The following CSF2RB variants were observed in gnomAD, a reference collection of about 807,000 sequenced individuals.
CSF2RB encodes colony stimulating factor 2 receptor subunit beta.
Under a neutral mutation model 67.2 loss-of-function variants are expected in CSF2RB, and 22 were observed. The observed-to-expected ratio is 0.33, with a 90% CI of 0.23 to 0.47. The LOEUF is 0.47. CSF2RB is among the 20% of genes least tolerant of loss of function. The probability of loss-of-function intolerance (pLI) is 1.00; values close to 1 mark genes in which losing one functional copy is unlikely to be tolerated. For synonymous variants in CSF2RB, 507 were observed against 482.9 expected (o/e 1.05, Z -0.65); for missense variants, 1,113 against 1,174.5 (o/e 0.95, Z 0.76).
In CSF2RB at chr22:36,938,801, T is replaced by C; in HGVS notation, c.*299T>C. The C allele has an allele frequency of 1.8e-6, 1 of 545,882 alleles. No individual in the cohort carries two copies. Among genetic ancestry groups the C allele is most frequent in the Non-Finnish European group, 3.2e-6 (1 of 309,946 alleles). 33.8% of individuals were successfully genotyped at this position (545,882 alleles called of 1,614,324 possible). A position where few individuals can be genotyped will look rare whatever the true frequency, so the allele number is the denominator to read the frequency against. On this transcript the variant is annotated 3_prime_UTR_variant, in exon 14 of 14. Transcript: ENST00000403662. ...ATATACTCATTCCATCTCCCCCTCA[T>C]TTTTTTAATCAGGTTTCCTTGCTTT...
In CSF2RB at chr22:36,929,389, T is replaced by C; in HGVS notation, c.392-13T>C. On this transcript the variant is annotated splice_polypyrimidine_tract_variant and intron_variant, in intron 4 of 13. Coordinates refer to ENST00000403662, the MANE Select transcript of CSF2RB (RefSeq NM_000395.3). Reference sequence around the variant, plus strand: ...GTCCAGCCCTTAGGTGCCCTTCACTTCCTCCCCTCCAGTCCAGCCTCCTGA... The same window carrying C: ...GTCCAGCCCTTAGGTGCCCTTCACTCCCTCCCCTCCAGTCCAGCCTCCTGA... 6.2e-7 allele frequency: 1 copy of C among 1,614,042 alleles called. No individual in the cohort carries two copies. The highest frequency in any genetic ancestry group is 8.5e-7 in the Non-Finnish European group (1 of 1,179,988).
chr22:36,916,889 C>G (rs1382231268), intron 1 of CSF2RB, among the ~76,000 whole-genome samples: 1 of 152,098 alleles, frequency 6.6e-6, no homozygotes, highest in Non-Finnish European at 1.5e-5. Context: ...GTTTGCCAAG[C>G]CCATTAAATT....
At position 36,930,628 on chromosome 22, in the gene CSF2RB, G is replaced by C. The variant is rs375358994; in HGVS notation, c.855-45G>C. The C allele has an allele frequency of 1.9e-6, 3 of 1,611,182 alleles. No individual in the cohort carries two copies. The South Asian group carries it at 3.3e-5, about 18-fold the overall frequency. ...CCCACCCTAAGCTCTCCTCCCTCCC[G>C]TGTGCCCTCCCTCTCCCTGCCCTCA... On this transcript the variant is annotated intron_variant, in intron 7 of 13. Transcript: ENST00000403662.
rs1381319743 is a variant in CSF2RB at position 36,934,049 on chromosome 22, A to G, written c.1315+55A>G. On this transcript the variant is annotated intron_variant, in intron 10 of 13. Transcript: ENST00000403662. ...GGCCAGGACCAGCTCATAGTTTCTCACTGCCAGAAAATCCCCAATGCAGCA... is the reference window on the plus strand; with the variant it reads ...GGCCAGGACCAGCTCATAGTTTCTCGCTGCCAGAAAATCCCCAATGCAGCA... 3.8e-6 allele frequency: 6 copies of G among 1,595,234 alleles called. No homozygotes were observed. In the African/African-American group the frequency reaches 5.4e-5, roughly 14 times the overall value.
intron 1 of CSF2RB, among the ~76,000 whole-genome samples, chr22:36,917,934 AT>A (rs1832098675): frequency 6.6e-6 from 1 of 151,212 alleles, no homozygotes; most frequent in Admixed American, 6.6e-5. Context: ...AAAAAAAAAA[AT>A]AGTATTTTTT....
Position 36,938,165 on chromosome 22 carries a change from C to T in CSF2RB, c.2357C>T (p.Pro786Leu), listed in dbSNP as rs951899191. The change falls in exon 14 of 14, where the codon CCC becomes CTC. Residue 786 changes from proline (P) to leucine (L), a missense_variant. Pro to Leu is a moderately conservative substitution (Grantham distance 98). Transcript: ENST00000403662. ...SPRSPRNNPV[P>L]PEAKSPVLNP... The stretch of plus-strand genomic sequence containing the variant: ...AGGTCACCAAGGAACAATCCTGTCC[C>T]CCCTGAGGCCAAAAGCCCTGTCCTG... 6.2e-7 allele frequency: 1 copy of T among 1,614,022 alleles called. No homozygotes were observed. Among genetic ancestry groups the T allele is most frequent in the Non-Finnish European group, 8.5e-7 (1 of 1,180,018 alleles).
intron 4 of CSF2RB, 48 bp from the exon 5 acceptor site, chr22:36,929,354 C>G (rs201329664): frequency 6.2e-7 from 1 of 1,613,262 alleles, no homozygotes; most frequent in African/African-American, 1.3e-5. Flanking sequence ...GCCCTGACTG[C>G]CCCCCAGCGG....
chr22:36,937,411 T>C lies in CSF2RB; in HGVS notation c.1603T>C (p.Ser535Pro). The C allele has an allele frequency of 1.2e-6, 2 of 1,613,828 alleles. No homozygotes were observed. The highest frequency in any genetic ancestry group is 2.7e-5 in the African/African-American group (2 of 74,974). ...TGTAGGATTCGGGGACAGCGAGGTG[T>C]CACCTCTCACCATAGAGGACCCCAA... Reference protein sequence around the residue: ...FPVGFGDSEVSPLTIEDPKHV... With the variant: ...FPVGFGDSEVPPLTIEDPKHV... Residue 535 changes from serine to proline, a missense_variant, in exon 14 of 14, where the codon TCA becomes CCA. Transcript: ENST00000403662. This position sits in a 1 kb window ranked among gnomAD's most constrained non-coding sequence, Gnocchi z 4.6.
intron 10 of CSF2RB, among the ~76,000 whole-genome samples, chr22:36,934,686 C>T (rs1941230420): frequency 6.6e-6 from 1 of 152,180 alleles, no homozygotes; most frequent in Non-Finnish European, 1.5e-5. Flanking sequence ...CCACAGTGAC[C>T]ACCAGGCGAC....
chr22:36,919,904 C>T (rs16997501), intron 1 of CSF2RB, among the ~76,000 whole-genome samples: 7,853 of 152,196 alleles, frequency 0.052, 641 homozygotes, highest in African/African-American at 0.17. Context: ...GCTGGGTTAG[C>T]ATATGTCAGA....
rs1941326523 is a variant in CSF2RB at position 36,938,561 on chromosome 22, C to A, written c.*59C>A. The A allele has an allele frequency of 6.5e-7, 1 of 1,533,746 alleles. No individual in the cohort carries two copies. Among genetic ancestry groups the A allele is most frequent in the East Asian group, 2.3e-5 (1 of 44,110 alleles). Reference sequence around the variant, plus strand: ...AGGGCTTGCCTTCCCTCCCGCCTGACCTTCCTCAGTCATTTCTGCAAAGCC... The same window carrying A: ...AGGGCTTGCCTTCCCTCCCGCCTGAACTTCCTCAGTCATTTCTGCAAAGCC... On this transcript the variant is annotated 3_prime_UTR_variant, in exon 14 of 14. Coordinates refer to ENST00000403662, the MANE Select transcript of CSF2RB (RefSeq NM_000395.3).
intron 9 of CSF2RB, among the ~76,000 whole-genome samples, chr22:36,933,127 G>A (rs1323770384): frequency 6.6e-6 from 1 of 152,250 alleles, no homozygotes; most frequent in African/African-American, 2.4e-5. Flanking sequence ...TGGCCAACGT[G>A]AACAGCTGAC....
At chr22:36,921,111 A>ATG (rs141034083) in intron 1 of CSF2RB, among the ~76,000 whole-genome samples, 66,160 of 150,188 alleles carry the variant, frequency 0.44, 16,391 homozygotes, top group Admixed American at 0.58. Context: ...GTGTCTGTGT[A>ATG]TGTGTGCCTC....
At chr22:36,928,373 G>A (rs959158448) in intron 4 of CSF2RB, among the ~76,000 whole-genome samples, 6 of 152,116 alleles carry the variant, frequency 3.9e-5, no homozygotes, top group African/African-American at 7.2e-5. Context: ...TGACAGCCTC[G>A]GGGGCTGGGA....
Position 36,937,111 on chromosome 22 carries a change from G to A in CSF2RB, c.1569-266G>A, listed in dbSNP as rs1406829042. Among the ~76,000 whole-genome samples the A allele has an allele frequency of 2.0e-5, 3 of 152,104 alleles. No homozygotes were observed. The highest frequency in any genetic ancestry group is 6.5e-5 in the Admixed American group (1 of 15,278). On this transcript the variant is annotated intron_variant, in intron 13 of 13. Coordinates refer to ENST00000403662, the MANE Select transcript of CSF2RB (RefSeq NM_000395.3). This position sits in a 1 kb window ranked among gnomAD's most constrained non-coding sequence, Gnocchi z 4.6. Reference sequence around the variant, plus strand: ...GGAGGATGGACTTTAAGGTCAAAAGGGAGAGGGTACCAGCCTTGCAGAGGA... The same window carrying A: ...GGAGGATGGACTTTAAGGTCAAAAGAGAGAGGGTACCAGCCTTGCAGAGGA...
In CSF2RB at chr22:36,923,342, G is replaced by A. The variant is rs770407372; in HGVS notation, c.175G>A (p.Val59Met). The stretch of plus-strand genomic sequence containing the variant: ...CCAGGATGCCCAGCGGCTCGTCAAC[G>A]TGACCCTCATTCGCCGGGTGAATGA... ...DTQDAQRLVN[V>M]TLIRRVNEDL... Residue 59 changes from valine to methionine, a missense_variant, in exon 3 of 14, where the codon GTG (valine) becomes ATG (methionine). Coordinates refer to ENST00000403662, the MANE Select transcript of CSF2RB (RefSeq NM_000395.3). The A allele has an allele frequency of 1.5e-4, 237 of 1,613,990 alleles. No individual in the cohort carries two copies. Among genetic ancestry groups the A allele is most frequent in the Non-Finnish European group, 1.8e-4 (212 of 1,179,986 alleles).
chr22:36,922,655 G>T (rs1211595770), intron 2 of CSF2RB: 1 of 400,032 alleles, frequency 2.5e-6, no homozygotes, highest in Non-Finnish European at 4.7e-6. Flanking sequence ...CCTTGGCTGG[G>T]GTTCTCTCCC....
At chr22:36,920,694 C>A (rs889065561) in intron 1 of CSF2RB, among the ~76,000 whole-genome samples, 1 of 152,162 alleles carries the variant, frequency 6.6e-6, no homozygotes, top group African/African-American at 2.4e-5. Context: ...CTTCTGCCAG[C>A]CTTTGTCTCT....
At chr22:36,916,748 A>G (rs1053102350) in intron 1 of CSF2RB, among the ~76,000 whole-genome samples, 3 of 152,182 alleles carry the variant, frequency 2.0e-5, no homozygotes, top group Admixed American at 2.0e-4. Flanking sequence ...AATCCCAGCT[A>G]CTTGGGATGC....
Sources: gnomAD v4.1 joint callset for allele counts (sites outside exome capture counted in the v4.1 genomes callset) on GRCh38, gnomAD v4.1.1 for gene constraint, Gnocchi (gnomAD v3.1) non-coding constraint, MANE v1.5 for transcripts, NCBI Gene and HGNC (gene_info 2026-07-23, HGNC 2026-07-21) for gene names.